Variants in ACSM3 observed in about 807,000 individuals in gnomAD.
ACSM3 encodes acyl-CoA synthetase medium chain family member 3.
A neutral mutation model predicts 74.1 loss-of-function variants in ACSM3; 61 were observed. The ratio of observed to expected loss-of-function variants is 0.82; its 90% CI spans 0.67 to 1.02. ACSM3 has a LOEUF of 1.02. ACSM3 is among the 50% of genes least tolerant of loss of function. The pLI is 0.00. For synonymous variants in ACSM3, 213 were observed against 241.5 expected (o/e 0.88, Z 1.09); for missense variants, 660 against 697.0 (o/e 0.95, Z 0.60).
chr16:20,763,541 T>G (rs2080094609), upstream of ACSM3, among the ~76,000 whole-genome samples: 1 of 152,148 alleles, frequency 6.6e-6, no homozygotes, highest in Non-Finnish European at 1.5e-5. Flanking sequence ...TTGCAGTTCA[T>G]GTAAGGACTC....
At chr16:20,701,968 G>T (rs778544041) in intron 1 of ACSM3, among the ~76,000 whole-genome samples, 10 of 152,178 alleles carry the variant, frequency 6.6e-5, no homozygotes, top group Non-Finnish European at 1.3e-4. Context: ...TTGGTTCCAA[G>T]TCTTTGCTAC....
At chr16:20,723,212 C>A (rs1355672347) in intron 1 of ACSM3, among the ~76,000 whole-genome samples, 4 of 152,170 alleles carry the variant, frequency 2.6e-5, no homozygotes, top group Non-Finnish European at 4.4e-5. Flanking sequence ...AGGACATGAA[C>A]TCATCATTTT....
chr16:20,770,889 G>A (rs2080184961), intron 2 of ACSM3, among the ~76,000 whole-genome samples: 1 of 152,058 alleles, frequency 6.6e-6, no homozygotes. Context: ...TGTGCTGGGA[G>A]CATTCAAAAT....
At chr16:20,742,234 ACT>A (rs2079933843) in intron 1 of ACSM3, 16 of 325,468 alleles carry the variant, frequency 4.9e-5, no homozygotes, top group South Asian at 4.3e-4. Context: ...GTTACAGATA[ACT>A]CTGTACCTGT....
chr16:20,773,167 G>A (rs1398490759), intron 2 of ACSM3, among the ~76,000 whole-genome samples: 1 of 152,044 alleles, frequency 6.6e-6, no homozygotes, highest in Non-Finnish European at 1.5e-5. Context: ...GCATATAGTT[G>A]TTCATAAGAG....
chr16:20,680,854 T>G (rs1283182631), intron 1 of ACSM3: 1 of 152,238 alleles, frequency 6.6e-6, no homozygotes, highest in African/African-American at 2.4e-5. Flanking sequence ...ATGGGCATAT[T>G]GGCAACTGCC....
chr16:20,771,371 CTTTTTTTTTTTT>C (rs57406215), intron 2 of ACSM3, among the ~76,000 whole-genome samples: 1 of 85,252 alleles, frequency 1.2e-5, no homozygotes. Context: ...GGCCGAGCTC[CTTTTTTTTTTTT>C]TTTTTTTTTT....
intron 1 of ACSM3, chr16:20,682,535 G>A: frequency 1.7e-6 from 2 of 1,207,450 alleles, no homozygotes; most frequent in Non-Finnish European, 2.4e-6. Flanking sequence ...TGGCTTGTCT[G>A]CATCGAAATA....
upstream of ACSM3, chr16:20,763,615 G>A (rs934129465): frequency 6.6e-6 from 1 of 152,186 alleles, no homozygotes. Context: ...ACCTGATAGC[G>A]TTTATGTTTA....
rs1005726383 is a variant in ACSM3 at position 20,785,006 on chromosome 16, C to T, written c.1042C>T (p.His348Tyr). The change falls in exon 8 of 14, where the codon CAC (histidine) becomes TAC (tyrosine). Residue 348 changes from histidine (H) to tyrosine (Y), a missense_variant. His to Tyr is a moderately conservative substitution (Grantham distance 83, BLOSUM62 2). Coordinates refer to ENST00000289416, the MANE Select transcript of ACSM3 (RefSeq NM_005622.4). ...AAGCTATAAGTTTAAAAGCTTAAAG[C>T]ACTGTGTGAGTGCTGGGGAACCAAT... Reference protein sequence around the residue: ...ITSYKFKSLKHCVSAGEPITP... With the variant: ...ITSYKFKSLKYCVSAGEPITP... 6.2e-7 allele frequency: 1 copy of T among 1,613,294 alleles called. No homozygotes were observed. The highest frequency in any genetic ancestry group is 1.3e-5 in the African/African-American group (1 of 74,844).
intron 1 of ACSM3, chr16:20,728,472 T>C: frequency 1.6e-6 from 2 of 1,244,112 alleles, no homozygotes; most frequent in South Asian, 2.5e-5. Context: ...GCCCTTCTGT[T>C]TCTTCTCTGA....
At chr16:20,703,480 T>C (rs2079718886) in intron 1 of ACSM3, 1 of 152,204 alleles carries the variant, frequency 6.6e-6, no homozygotes, top group Non-Finnish European at 1.5e-5. Flanking sequence ...TGTCCTCTCT[T>C]ATTTTCTTGA....
chr16:20,781,238 T>A, intron 6 of ACSM3, 108 bp downstream of exon 6: 2 of 1,351,972 alleles, frequency 1.5e-6, no homozygotes, highest in Non-Finnish European at 1.0e-6. Context: ...CAATATGATT[T>A]AAGATATGTC....
intron 1 of ACSM3, among the ~76,000 whole-genome samples, chr16:20,718,129 A>AAAGGAG (rs935513693): frequency 6.6e-6 from 1 of 151,114 alleles, no homozygotes; most frequent in Non-Finnish European, 1.5e-5. Context: ...GAAGAAAAGA[A>AAAGGAG]AAGGAGAAGG....
At chr16:20,682,515 G>T in intron 1 of ACSM3, 1 of 1,480,984 alleles carries the variant, frequency 6.8e-7, no homozygotes, top group Non-Finnish European at 9.4e-7. Context: ...ACAACCATGG[G>T]CTTTAGACTT....
intron 2 of ACSM3, 101 bp from the exon 3 acceptor site, chr16:20,775,738 C>T: frequency 8.5e-7 from 1 of 1,174,716 alleles, no homozygotes; most frequent in South Asian, 1.3e-5. Context: ...TAACTAATGA[C>T]TTGCGAACTT....
chr16:20,788,040 A>G (rs9925902), intron 9 of ACSM3, among the ~76,000 whole-genome samples: 2,726 of 152,298 alleles, frequency 0.018, 78 homozygotes, highest in African/African-American at 0.062. Flanking sequence ...TTAGTACATA[A>G]TAAAGGTCCA....
At chr16:20,684,069 A>C (rs2152315975) in intron 1 of ACSM3, among the ~76,000 whole-genome samples, 1 of 152,342 alleles carries the variant, frequency 6.6e-6, no homozygotes, top group South Asian at 2.1e-4. Flanking sequence ...CACATGATAA[A>C]ATGAGAGAAG....
At chr16:20,744,216 C>T (rs751106332) in intron 1 of ACSM3, among the ~76,000 whole-genome samples, 3 of 152,144 alleles carry the variant, frequency 2.0e-5, no homozygotes, top group African/African-American at 7.2e-5. Flanking sequence ...TCCAAGGAAG[C>T]CAAAAGATTG....
Sources: gnomAD v4.1 joint callset for allele counts (sites outside exome capture counted in the v4.1 genomes callset) on GRCh38, gnomAD v4.1.1 for gene constraint, MANE v1.5 for transcripts, NCBI Gene and HGNC (gene_info 2026-07-23, HGNC 2026-07-21) for gene names.